GPHN: variants seen among roughly 807,000 people sequenced by gnomAD.
GPHN encodes gephyrin.
GPHN carries 17 observed loss-of-function variants against 95.5 expected under a neutral mutation model. The observed-to-expected ratio is 0.18, with a 90% CI of 0.12 to 0.27. The LOEUF is 0.27. Among genes scored for constraint, GPHN ranks in the 10% least tolerant of loss-of-function variants. GPHN has a pLI of 1.00. For synonymous variants in GPHN, 320 were observed against 322.5 expected (o/e 0.99, Z 0.08); for missense variants, 660 against 978.1 (o/e 0.67, Z 4.34).
intron 2 of GPHN, among the ~76,000 whole-genome samples, chr14:66,732,612 G>T (rs565357752): frequency 1.3e-5 from 2 of 152,280 alleles, no homozygotes; most frequent in South Asian, 4.1e-4. Flanking sequence ...CGCCTCCCCG[G>T]TTCAAGCGAT....
At chr14:66,680,844 G>A (rs141688628) in intron 1 of GPHN, among the ~76,000 whole-genome samples, 72 of 152,090 alleles carry the variant, frequency 4.7e-4, no homozygotes, top group Admixed American at 1.7e-3. Context: ...CATTTAGACC[G>A]ACATGTTTAT....
At chr14:66,530,643 C>G (rs535079301) in intron 1 of GPHN, among the ~76,000 whole-genome samples, 6 of 152,300 alleles carry the variant, frequency 3.9e-5, no homozygotes, top group African/African-American at 1.4e-4. Flanking sequence ...AGGGAGTGTA[C>G]GGTCTACTGA....
At chr14:66,698,365 T>C (rs117895150) in intron 2 of GPHN, among the ~76,000 whole-genome samples, 1,843 of 152,246 alleles carry the variant, frequency 0.012, 20 homozygotes, top group Non-Finnish European at 0.018. Context: ...AATTACAGAA[T>C]TCATAGGTAA....
chr14:66,739,354 C>A (rs1205068958), intron 2 of GPHN, among the ~76,000 whole-genome samples: 7 of 150,998 alleles, frequency 4.6e-5, no homozygotes, highest in Non-Finnish European at 1.0e-4. Context: ...GTAGCTAGGA[C>A]AACAGGCACC....
At chr14:66,869,267 CTTTA>C (rs988651777) in intron 4 of GPHN, among the ~76,000 whole-genome samples, 3 of 152,226 alleles carry the variant, frequency 2.0e-5, no homozygotes, top group African/African-American at 4.8e-5. Flanking sequence ...TACAGATAAC[CTTTA>C]TTTGTCTGTA....
the GPHN span, chr14:67,592,914 T>C: frequency 4.5e-6 from 2 of 441,806 alleles, no homozygotes; most frequent in Admixed American, 7.6e-5. Context: ...GCCTCCCAAG[T>C]AGCTGGGATT....
At chr14:67,629,131 TGA>T in the GPHN span, among the ~76,000 whole-genome samples, 1 of 152,132 alleles carries the variant, frequency 6.6e-6, no homozygotes, top group Non-Finnish European at 1.5e-5. Flanking sequence ...TCCAGGAGTT[TGA>T]GACCAGCCTG....
chr14:67,573,673 A>G, the GPHN span: 293 of 728,322 alleles, frequency 4.0e-4, 4 homozygotes, highest in South Asian at 4.5e-3. This position sits in a 1 kb window ranked among gnomAD's most constrained non-coding sequence, Gnocchi z 4.8. Context: ...CACCCATCAT[A>G]ACACAGCCAG....
chr14:67,577,176 C>T, the GPHN span: 3 of 683,020 alleles, frequency 4.4e-6, 1 homozygote, highest in South Asian at 5.2e-5. Context: ...ATAAACCCAG[C>T]ACAACCCAAG....
At chr14:67,686,779 G>A in the GPHN span, among the ~76,000 whole-genome samples, 3 of 152,124 alleles carry the variant, frequency 2.0e-5, no homozygotes, top group Non-Finnish European at 4.4e-5. Context: ...ATTGTAGAAA[G>A]GTAATATGAA....
the GPHN span, among the ~76,000 whole-genome samples, chr14:67,723,223 T>A: frequency 6.6e-6 from 1 of 152,170 alleles, no homozygotes; most frequent in Non-Finnish European, 1.5e-5. Context: ...TAAAAGTGTG[T>A]TCTGAGTGGA....
At chr14:66,868,459 T>C (rs1357832858) in intron 4 of GPHN, among the ~76,000 whole-genome samples, 1 of 152,116 alleles carries the variant, frequency 6.6e-6, no homozygotes, top group Non-Finnish European at 1.5e-5. Flanking sequence ...AATGGCACGA[T>C]TTCGGCTCAC....
the GPHN span, among the ~76,000 whole-genome samples, chr14:67,379,694 G>A: frequency 1.7e-5 from 2 of 114,350 alleles, no homozygotes; most frequent in African/African-American, 8.1e-5. Context: ...TCGCTCTGTC[G>A]CCCAGGCTGG....
the GPHN span, among the ~76,000 whole-genome samples, chr14:67,326,052 C>T: frequency 7.1e-6 from 1 of 139,880 alleles, no homozygotes; most frequent in East Asian, 2.1e-4. Flanking sequence ...GTCTCGATCT[C>T]GTGACCTCGT....
At chr14:67,637,350 G>T in the GPHN span, among the ~76,000 whole-genome samples, 2 of 143,830 alleles carry the variant, frequency 1.4e-5, no homozygotes, top group African/African-American at 5.1e-5. Context: ...GGTGGAGGTT[G>T]CAGTGAGCCG....
chr14:67,274,648 A>G, the GPHN span, among the ~76,000 whole-genome samples: 6 of 152,262 alleles, frequency 3.9e-5, no homozygotes, highest in East Asian at 3.9e-4. Flanking sequence ...GTTTTTTCCA[A>G]TTCTGTGAAG....
intron 10 of GPHN, among the ~76,000 whole-genome samples, chr14:67,033,698 T>A (rs1398694318): frequency 6.6e-6 from 1 of 152,098 alleles, no homozygotes; most frequent in African/African-American, 2.4e-5. Flanking sequence ...CCAAATTTGA[T>A]GAAAGAAATG....
the GPHN span, among the ~76,000 whole-genome samples, chr14:67,373,077 C>T: frequency 6.6e-6 from 1 of 152,282 alleles, no homozygotes; most frequent in South Asian, 2.1e-4. Flanking sequence ...AACTGCTCCA[C>T]ATTGCTCATG....
rs1027832856 is a variant in GPHN at position 66,970,300 on chromosome 14, C to T, written c.963+4975C>T. Among the ~76,000 whole-genome samples the T allele has an allele frequency of 2.6e-5, 4 of 152,090 alleles. No individual in the cohort carries two copies. In the East Asian group the frequency reaches 5.8e-4, roughly 22 times the overall value. On this transcript the variant is annotated intron_variant, in intron 9 of 22. Transcript: ENST00000478722. ...TTCTTTGTAGGTTTCTCTTACTGTC[C>T]TTTGAGCAAAAGAATTTAGATTGCT...
Sources: allele counts gnomAD v4.1 joint callset (sites outside exome capture counted in the v4.1 genomes callset), GRCh38; gene constraint gnomAD v4.1.1; non-coding constraint Gnocchi (gnomAD v3.1); transcripts MANE v1.5; gene names NCBI Gene and HGNC (gene_info 2026-07-23, HGNC 2026-07-21).